PTPRZ1: variants seen among roughly 807,000 people sequenced by gnomAD.
PTPRZ1 encodes the protein receptor-type tyrosine-protein phosphatase zeta.
In PTPRZ1, 82 loss-of-function variants were observed where a neutral mutation model predicts 214.1. That is an observed-to-expected ratio of 0.38 (90% CI 0.32 to 0.46). The LOEUF is 0.46. Among genes scored for constraint, PTPRZ1 ranks in the 20% least tolerant of loss-of-function variants. PTPRZ1 has a pLI of 1.00. For missense variants in PTPRZ1, 2,603 were observed against 2,748.7 expected, an observed-to-expected ratio of 0.95 and a Z score of 1.19; for synonymous variants, 945 against 987.9, an observed-to-expected ratio of 0.96 and a Z score of 0.81.
At chr7:122,059,579 G>A (rs1379157441) in intron 28 of PTPRZ1, 174 bp from the exon 29 acceptor site, 2 of 685,628 alleles carry the variant, frequency 2.9e-6, no homozygotes, top group Admixed American at 5.7e-5. Flanking sequence ...TGAACACTTG[G>A]CAATATTTCA....
chr7:122,053,936 C>T lies in PTPRZ1; in HGVS notation c.6279C>T (p.Ile2093=). The change falls in exon 26 of 30, where the codon ATC becomes ATT. Residue 2093 remains isoleucine, a synonymous_variant. Coordinates refer to ENST00000393386, the MANE Select transcript of PTPRZ1 (RefSeq NM_002851.3). ...IMGYYQSNEF[I]ITQHPLLHTI... is the part of the protein sequence containing the mutation. ...GCTATTACCAGAGCAATGAATTCATCATTACCCAGCACCCTCTCCTTCATA... is the reference window on the plus strand; with the variant it reads ...GCTATTACCAGAGCAATGAATTCATTATTACCCAGCACCCTCTCCTTCATA... 1 of 1,613,054 alleles carries T rather than the reference C, an allele frequency of 6.2e-7. No homozygotes were observed. The highest frequency in any genetic ancestry group is 8.5e-7 in the Non-Finnish European group (1 of 1,179,298).
chr7:122,000,698 TATA>T (rs1248466044), intron 10 of PTPRZ1, among the ~76,000 whole-genome samples: 2 of 115,846 alleles, frequency 1.7e-5, no homozygotes, highest in African/African-American at 3.4e-5. Flanking sequence ...TATATATATA[TATA>T]TTTGAGGTGG....
chr7:121,959,115 G>T (rs965430127), intron 2 of PTPRZ1, among the ~76,000 whole-genome samples: 1 of 152,102 alleles, frequency 6.6e-6, no homozygotes, highest in East Asian at 1.9e-4. Context: ...GAGCCACCAC[G>T]CCCGGCCCCT....
At chr7:121,900,767 T>TAGGCACTGTAAA (rs1295125827) in intron 1 of PTPRZ1, among the ~76,000 whole-genome samples, 1 of 152,284 alleles carries the variant, frequency 6.6e-6, no homozygotes, top group South Asian at 2.1e-4. Context: ...ATTCTTTTAA[T>TAGGCACTGTAAA]AGGCACTGTA....
chr7:121,954,375 A>G (rs1346460933), intron 2 of PTPRZ1, among the ~76,000 whole-genome samples: 2 of 152,194 alleles, frequency 1.3e-5, no homozygotes, highest in Admixed American at 1.3e-4. Flanking sequence ...ATGTCTGAGC[A>G]CATAGAACCT....
chr7:121,924,276 T>A (rs1795688300), intron 1 of PTPRZ1, among the ~76,000 whole-genome samples: 1 of 152,192 alleles, frequency 6.6e-6, no homozygotes, highest in African/African-American at 2.4e-5. Flanking sequence ...ATAGATTCTT[T>A]TTTATATAGG....
chr7:122,018,648 AT>A (rs1451936482), intron 12 of PTPRZ1, among the ~76,000 whole-genome samples: 93 of 152,152 alleles, frequency 6.1e-4, no homozygotes, highest in Non-Finnish European at 2.4e-4. Flanking sequence ...TTATCCCAAG[AT>A]TTTTTTCTTC....
intron 8 of PTPRZ1, among the ~76,000 whole-genome samples, chr7:121,992,034 G>C (rs1248013011): frequency 2.6e-5 from 4 of 152,180 alleles, no homozygotes; most frequent in Non-Finnish European, 5.9e-5. Context: ...TATTTACGAA[G>C]CACTTTTGGC....
At chr7:121,960,098 G>T (rs549716666) in intron 2 of PTPRZ1, among the ~76,000 whole-genome samples, 1 of 152,328 alleles carries the variant, frequency 6.6e-6, no homozygotes, top group African/African-American at 2.4e-5. Flanking sequence ...GGGTACAGTG[G>T]CATGCTCTCG....
intron 1 of PTPRZ1, among the ~76,000 whole-genome samples, chr7:121,910,715 C>T (rs1307526145): frequency 6.6e-6 from 1 of 152,008 alleles, no homozygotes; most frequent in East Asian, 1.9e-4. Flanking sequence ...TGCATTATTT[C>T]ATAAGATGGT....
intron 1 of PTPRZ1, among the ~76,000 whole-genome samples, chr7:121,906,611 C>T (rs560036710): frequency 3.7e-4 from 57 of 152,194 alleles, no homozygotes; most frequent in Admixed American, 1.3e-3. Context: ...GCTGGCACCA[C>T]GTTTTCCAAA....
At chr7:121,917,476 T>C (rs1391126343) in intron 1 of PTPRZ1, among the ~76,000 whole-genome samples, 1 of 152,060 alleles carries the variant, frequency 6.6e-6, no homozygotes, top group African/African-American at 2.4e-5. Flanking sequence ...CAAAAAAACA[T>C]GCAGGGCACA....
At position 122,053,947 on chromosome 7, in the gene PTPRZ1, A is replaced by T. The variant is rs1404329451; in HGVS notation, c.6290A>T (p.His2097Leu). The T allele has an allele frequency of 6.2e-7, 1 of 1,613,206 alleles. No individual in the cohort carries two copies. Among genetic ancestry groups the T allele is most frequent in the Admixed American group, 1.7e-5 (1 of 59,978 alleles). ...AGCAATGAATTCATCATTACCCAGC[A>T]CCCTCTCCTTCATACCATCAAGGAT... Reference protein sequence around the residue: ...YQSNEFIITQHPLLHTIKDFW... With the variant: ...YQSNEFIITQLPLLHTIKDFW... The change falls in exon 26 of 30, where the codon CAC becomes CTC. Residue 2097 changes from histidine to leucine, a missense_variant. Physicochemically the swap from His to Leu is moderately conservative, Grantham distance 99. This residue lies in a region of PTPRZ1 where 134 missense variants were observed against 183.3 expected (regional missense o/e 0.73). Coordinates refer to ENST00000393386, the MANE Select transcript of PTPRZ1 (RefSeq NM_002851.3).
At chr7:121,936,981 G>T (rs183954278) in intron 2 of PTPRZ1, among the ~76,000 whole-genome samples, 1 of 152,110 alleles carries the variant, frequency 6.6e-6, no homozygotes, top group South Asian at 2.1e-4. Context: ...TGAGATAACC[G>T]CTTGACTGAA....
rs772176145 is a variant in PTPRZ1 at position 122,059,852 on chromosome 7, G to A, written c.6771G>A (p.Met2257Ile). 1.2e-6 allele frequency: 2 copies of A among 1,613,614 alleles called. No individual in the cohort carries two copies. Among genetic ancestry groups the A allele is most frequent in the East Asian group, 2.2e-5 (1 of 44,836 alleles). The change falls in exon 29 of 30, where the codon ATG becomes ATA. Residue 2257 changes from methionine to isoleucine, a missense_variant. This residue lies in a region of PTPRZ1 where 165 missense variants were observed against 151.4 expected (regional missense o/e 1.09). Transcript: ENST00000393386. Reference sequence around the variant, plus strand: ...TGGATGTTTACCAGGTAGCCAAGATGATCAATCTGATGAGGCCAGGAGTCT... The same window carrying A: ...TGGATGTTTACCAGGTAGCCAAGATAATCAATCTGATGAGGCCAGGAGTCT... ...NSVDVYQVAK[M>I]INLMRPGVFA... is the part of the protein sequence containing the mutation.
chr7:122,018,327 T>C (rs1431094762), intron 12 of PTPRZ1, among the ~76,000 whole-genome samples: 4 of 152,196 alleles, frequency 2.6e-5, no homozygotes, highest in Admixed American at 2.6e-4. Flanking sequence ...ACTTGGAAGG[T>C]AATCTCTAGT....
At chr7:121,924,729 TG>T (rs1795706975) in intron 1 of PTPRZ1, among the ~76,000 whole-genome samples, 1 of 152,214 alleles carries the variant, frequency 6.6e-6, no homozygotes, top group Admixed American at 6.5e-5. Context: ...GCATGGTATC[TG>T]ATCTCCTGAA....
chr7:121,876,588 A>G lies in PTPRZ1; in HGVS notation c.58+3031A>G, dbSNP rs977532168. Among the ~76,000 whole-genome samples the G allele has an allele frequency of 2.2e-4, 33 of 152,294 alleles. 1 individual carries two copies. The highest frequency in any genetic ancestry group is 7.7e-4 in the African/African-American group (32 of 41,562). ...TATGTTGTGACTCTCAGTTTGATCT[A>G]TTTATCCTCTGAAAACAAATTGTAA... On this transcript the variant is annotated intron_variant, in intron 1 of 29. Coordinates refer to ENST00000393386, the MANE Select transcript of PTPRZ1 (RefSeq NM_002851.3).
In PTPRZ1 at chr7:122,038,684, CTT is replaced by C. The variant is rs893845373; in HGVS notation, c.5368-70_5368-69del. The stretch of plus-strand genomic sequence containing the variant: ...CGAAAAATTATGCTGACCTTAAAAA[CTT>C]AGGCATTGTACAGTTAAAGATGACA... On this transcript the variant is annotated intron_variant, in intron 18 of 29. Transcript: ENST00000393386. The C allele has an allele frequency of 9.2e-6, 13 of 1,416,174 alleles. No homozygotes were observed. In the African/African-American group the frequency reaches 1.7e-4, roughly 19 times the overall value. The allele number at this position is 1,416,174 out of a possible 1,614,324, so 87.7% of individuals were successfully genotyped here. A position where few individuals can be genotyped will look rare whatever the true frequency, so the allele number is the denominator to read the frequency against.
Sources: allele counts gnomAD v4.1 joint callset (sites outside exome capture counted in the v4.1 genomes callset), GRCh38; gene constraint gnomAD v4.1.1; regional missense constraint gnomAD v4.1.1; transcripts MANE v1.5; gene names NCBI Gene and HGNC (gene_info 2026-07-23, HGNC 2026-07-21).